ENTHD1: variants seen among roughly 807,000 people sequenced by gnomAD.
ENTHD1 encodes ENTH domain-containing protein 1.
Under a neutral mutation model 39.1 loss-of-function variants are expected in ENTHD1, and 23 were observed. The observed-to-expected ratio is 0.59, with a 90% CI of 0.42 to 0.83. The LOEUF is 0.83. Among genes scored for constraint, ENTHD1 ranks in the 40% least tolerant of loss-of-function variants. The pLI, the probability that ENTHD1 is intolerant of heterozygous loss-of-function variation, is 0.00. For synonymous variants in ENTHD1, 230 were observed against 258.2 expected (o/e 0.89, Z 1.05); for missense variants, 624 against 705.4 (o/e 0.88, Z 1.31).
intron 2 of ENTHD1, among the ~76,000 whole-genome samples, chr22:39,886,873 T>G (rs545566130): frequency 1.3e-5 from 2 of 152,352 alleles, no homozygotes; most frequent in South Asian, 4.1e-4. Flanking sequence ...AAATATTTCC[T>G]TAATTTATGA....
chr22:39,892,265 G>GT (rs2066432838), intron 1 of ENTHD1, among the ~76,000 whole-genome samples: 1 of 152,174 alleles, frequency 6.6e-6, no homozygotes, highest in Admixed American at 6.5e-5. Flanking sequence ...TCACAATGCT[G>GT]TTTCCTTCCC....
intron 6 of ENTHD1, among the ~76,000 whole-genome samples, chr22:39,756,640 CAT>C (rs2065188080): frequency 6.6e-6 from 1 of 152,130 alleles, no homozygotes; most frequent in Non-Finnish European, 1.5e-5. Flanking sequence ...GTCACACACA[CAT>C]ATATTTTTAC....
At chr22:39,760,851 A>T (rs2065227608) in intron 6 of ENTHD1, among the ~76,000 whole-genome samples, 1 of 152,114 alleles carries the variant, frequency 6.6e-6, no homozygotes, top group African/African-American at 2.4e-5. Flanking sequence ...TATTTCATGT[A>T]AAATATAGAA....
intron 3 of ENTHD1, among the ~76,000 whole-genome samples, chr22:39,855,557 G>A (rs1055984795): frequency 1.1e-4 from 17 of 149,974 alleles, no homozygotes; most frequent in African/African-American, 3.9e-4. Flanking sequence ...GTGTCAGTGG[G>A]ACTAAGTACT....
chr22:39,777,511 AAC>A (rs1447981032), intron 5 of ENTHD1, among the ~76,000 whole-genome samples: 3 of 152,220 alleles, frequency 2.0e-5, no homozygotes, highest in Non-Finnish European at 4.4e-5. Flanking sequence ...ATAGTTTTAA[AAC>A]ACAGTGATGA....
intron 6 of ENTHD1, among the ~76,000 whole-genome samples, chr22:39,753,253 C>T (rs993888556): frequency 6.6e-6 from 1 of 152,224 alleles, no homozygotes; most frequent in African/African-American, 2.4e-5. Context: ...TGAAGGCTGA[C>T]TGCCACCATT....
chr22:39,796,912 C>T lies in ENTHD1; in HGVS notation c.832+24081G>A, dbSNP rs555944207. On this transcript the variant is annotated intron_variant, in intron 5 of 6. Coordinates refer to ENST00000325157, the MANE Select transcript of ENTHD1 (RefSeq NM_152512.4). ...AGTCTAAAGTGTAGTTAAAATACAACGTTTCTTTTTGATTTTCTGTCTAGA... is the reference window on the plus strand; with the variant it reads ...AGTCTAAAGTGTAGTTAAAATACAATGTTTCTTTTTGATTTTCTGTCTAGA... Among the ~76,000 whole-genome samples, 159 of 152,190 alleles carry T rather than the reference C, an allele frequency of 1.0e-3. 1 individual carries two copies. Among genetic ancestry groups the T allele is most frequent in the South Asian group, 4.6e-3 (22 of 4,824 alleles).
intron 1 of ENTHD1, among the ~76,000 whole-genome samples, chr22:39,891,067 G>A (rs1213494603): frequency 6.6e-6 from 1 of 152,070 alleles, no homozygotes; most frequent in African/African-American, 2.4e-5. Flanking sequence ...TGCCCAAGAG[G>A]GTAAATTTCC....
chr22:39,852,249 G>A (rs562273528), intron 3 of ENTHD1, among the ~76,000 whole-genome samples: 1 of 152,194 alleles, frequency 6.6e-6, no homozygotes, highest in South Asian at 2.1e-4. Flanking sequence ...GGGAGGCTGA[G>A]GTAGGAGAAT....
At position 39,758,085 on chromosome 22, in the gene ENTHD1, G is replaced by A. The variant is rs2065199096; in HGVS notation, c.1219+7138C>T. 2.6e-5 allele frequency among the ~76,000 whole-genome samples: 4 copies of A among 152,124 alleles called. No individual in the cohort carries two copies. In the South Asian group the frequency reaches 8.3e-4, roughly 32 times the overall value. ...AAAACAGACTAATACAGTTGTCCAG[G>A]TTGGGACAATACATTTTTTATGCTA... On this transcript the variant is annotated intron_variant, in intron 6 of 6. Coordinates refer to ENST00000325157, the MANE Select transcript of ENTHD1 (RefSeq NM_152512.4).
intron 5 of ENTHD1, among the ~76,000 whole-genome samples, chr22:39,818,725 G>C (rs1352435863): frequency 6.6e-6 from 1 of 152,144 alleles, no homozygotes; most frequent in African/African-American, 2.4e-5. Flanking sequence ...TTGCAGAAAT[G>C]AATGACTTAA....
At chr22:39,863,313 G>GC (rs998708105) in intron 2 of ENTHD1, among the ~76,000 whole-genome samples, 1 of 152,192 alleles carries the variant, frequency 6.6e-6, no homozygotes, top group Non-Finnish European at 1.5e-5. Context: ...AAAAGGGAGA[G>GC]CAATTGGCTT....
intron 2 of ENTHD1, among the ~76,000 whole-genome samples, chr22:39,866,685 G>A (rs968392819): frequency 3.3e-5 from 5 of 152,300 alleles, no homozygotes; most frequent in Admixed American, 2.6e-4. Flanking sequence ...CTCTGACTTG[G>A]CCAGGCCCTG....
intron 6 of ENTHD1, among the ~76,000 whole-genome samples, chr22:39,747,894 G>A (rs922764573): frequency 7.2e-5 from 11 of 152,226 alleles, no homozygotes; most frequent in Admixed American, 2.0e-4. Context: ...TAACCATTTG[G>A]TAGGGATATT....
intron 5 of ENTHD1, among the ~76,000 whole-genome samples, chr22:39,769,472 C>T (rs1418986585): frequency 6.6e-6 from 1 of 152,134 alleles, no homozygotes; most frequent in African/African-American, 2.4e-5. Context: ...AATATTTTTT[C>T]AATAACTCTT....
At chr22:39,849,934 T>C (rs997733998) in intron 3 of ENTHD1, among the ~76,000 whole-genome samples, 7 of 152,218 alleles carry the variant, frequency 4.6e-5, no homozygotes, top group Admixed American at 1.3e-4. Context: ...CAAGGAGAAC[T>C]GATGTCCTTT....
intron 3 of ENTHD1, among the ~76,000 whole-genome samples, chr22:39,857,480 T>C (rs1489583473): frequency 2.1e-5 from 3 of 144,726 alleles, no homozygotes; most frequent in Admixed American, 2.1e-4. Flanking sequence ...AAGCAATCTG[T>C]GACTACAAAA....
At chr22:39,833,875 T>TA (rs2065888519) in intron 4 of ENTHD1, among the ~76,000 whole-genome samples, 1 of 143,338 alleles carries the variant, frequency 7.0e-6, no homozygotes, top group Non-Finnish European at 1.5e-5. Flanking sequence ...AAACCACACT[T>TA]ACGCATACTG....
At chr22:39,759,261 ATG>A (rs1343591673) in intron 6 of ENTHD1, among the ~76,000 whole-genome samples, 1 of 152,080 alleles carries the variant, frequency 6.6e-6, no homozygotes, top group Non-Finnish European at 1.5e-5. Context: ...TTGATAATAT[ATG>A]TATATGTGTG....
Sources: gnomAD v4.1 joint callset for allele counts (sites outside exome capture counted in the v4.1 genomes callset) on GRCh38, gnomAD v4.1.1 for gene constraint, MANE v1.5 for transcripts, NCBI Gene and HGNC (gene_info 2026-07-23, HGNC 2026-07-21) for gene names.